OPCML: variants seen among roughly 807,000 people sequenced by gnomAD.
OPCML encodes opioid-binding protein/cell adhesion molecule.
In OPCML, 13 loss-of-function variants were observed where a neutral mutation model predicts 37.8. The observed-to-expected ratio is 0.34, with a 90% CI of 0.22 to 0.55. The LOEUF (loss-of-function observed/expected upper bound fraction) is 0.55, where lower values mean the gene tolerates loss of function less well. OPCML is among the 20% of genes least tolerant of loss of function. The probability of loss-of-function intolerance (pLI) is 0.91; values close to 1 mark genes in which losing one functional copy is unlikely to be tolerated. For synonymous variants in OPCML, 176 were observed against 168.8 expected (o/e 1.04, Z -0.33); for missense variants, 341 against 435.6 (o/e 0.78, Z 1.93).
At chr11:132,433,981 G>T (rs969990528) in intron 7 of OPCML, among the ~76,000 whole-genome samples, 4 of 152,184 alleles carry the variant, frequency 2.6e-5, no homozygotes, top group Non-Finnish European at 4.4e-5. Flanking sequence ...GGTATACACT[G>T]GTTGTTGTTA....
At chr11:132,642,523 T>C (rs75043012) in intron 3 of OPCML, among the ~76,000 whole-genome samples, 4 of 152,214 alleles carry the variant, frequency 2.6e-5, no homozygotes, top group Non-Finnish European at 4.4e-5. Context: ...TCAAAACTTA[T>C]GATGCCAATG....
At chr11:132,645,845 C>T (rs1044690483) in intron 3 of OPCML, among the ~76,000 whole-genome samples, 1 of 152,204 alleles carries the variant, frequency 6.6e-6, no homozygotes, top group Non-Finnish European at 1.5e-5. Context: ...TGGCTAATGG[C>T]TACCACGTTG....
At chr11:133,366,993 T>C (rs1398548561) in intron 1 of OPCML, among the ~76,000 whole-genome samples, 2 of 152,130 alleles carry the variant, frequency 1.3e-5, no homozygotes, top group African/African-American at 4.8e-5. Context: ...TTCTTTTTTT[T>C]TGGAGATGGA....
chr11:132,731,359 C>G (rs901985398), intron 2 of OPCML, among the ~76,000 whole-genome samples: 2 of 152,156 alleles, frequency 1.3e-5, no homozygotes, highest in African/African-American at 4.8e-5. Context: ...CCTAATAAAT[C>G]TGATGGTGAT....
At chr11:132,624,846 G>A (rs563892710) in intron 3 of OPCML, among the ~76,000 whole-genome samples, 4 of 152,074 alleles carry the variant, frequency 2.6e-5, no homozygotes, top group African/African-American at 4.8e-5. Context: ...AACATGCCAC[G>A]TTATTAGGGT....
At chr11:133,445,708 C>T (rs1946460595) in intron 1 of OPCML, among the ~76,000 whole-genome samples, 2 of 152,194 alleles carry the variant, frequency 1.3e-5, no homozygotes, top group Admixed American at 6.5e-5. Context: ...TAATTTCCCC[C>T]TTGGCTAAGA....
At chr11:133,070,207 T>C (rs1948502359) in intron 1 of OPCML, among the ~76,000 whole-genome samples, 1 of 152,214 alleles carries the variant, frequency 6.6e-6, no homozygotes, top group Non-Finnish European at 1.5e-5. Context: ...AAAAGGCAGC[T>C]TCTCAACAAC....
chr11:133,287,275 C>CTTTCTTT (rs1555131097), intron 1 of OPCML, among the ~76,000 whole-genome samples: 3 of 120,976 alleles, frequency 2.5e-5, no homozygotes, highest in African/African-American at 9.2e-5. Flanking sequence ...TTCTTTCTTT[C>CTTTCTTT]TTTTTTTTTT....
chr11:133,335,250 G>A (rs544370978), intron 1 of OPCML, among the ~76,000 whole-genome samples: 1 of 152,324 alleles, frequency 6.6e-6, no homozygotes, highest in East Asian at 1.9e-4. Flanking sequence ...AATAAAGGAA[G>A]CTCAGGCTGA....
chr11:132,934,270 G>A (rs1945300916), intron 2 of OPCML, among the ~76,000 whole-genome samples: 1 of 152,156 alleles, frequency 6.6e-6, no homozygotes, highest in Non-Finnish European at 1.5e-5. Context: ...GGCAGGACAA[G>A]GCAGGGTACC....
intron 2 of OPCML, among the ~76,000 whole-genome samples, chr11:132,790,094 T>C (rs1264945041): frequency 6.6e-6 from 1 of 152,216 alleles, no homozygotes; most frequent in Non-Finnish European, 1.5e-5. Context: ...TTACTGGATA[T>C]TTATCCAAAG....
chr11:132,874,159 T>C (rs927088966), intron 2 of OPCML, among the ~76,000 whole-genome samples: 1 of 152,202 alleles, frequency 6.6e-6, no homozygotes, highest in African/African-American at 2.4e-5. Flanking sequence ...ACTTCTTTTC[T>C]CCCCATGACA....
Position 133,349,112 on chromosome 11 carries a change from A to G in OPCML, c.61+183152T>C, listed in dbSNP as rs151171234. On this transcript the variant is annotated intron_variant, in intron 1 of 7. Coordinates refer to ENST00000524381, the MANE Select transcript of OPCML (RefSeq NM_001012393.5). Reference sequence around the variant, plus strand: ...TGGAGCCTTTAAGCAGTGCATGTGCATGGTAACCACTCAGTAACTCTGAGC... The same window carrying G: ...TGGAGCCTTTAAGCAGTGCATGTGCGTGGTAACCACTCAGTAACTCTGAGC... Among the ~76,000 whole-genome samples the G allele has an allele frequency of 3.4e-3, 525 of 152,332 alleles. 2 individuals are homozygous for G. Among genetic ancestry groups the G allele is most frequent in the African/African-American group, 0.012 (495 of 41,572 alleles).
At chr11:132,520,647 G>A (rs2096290674) in intron 4 of OPCML, among the ~76,000 whole-genome samples, 1 of 142,940 alleles carries the variant, frequency 7.0e-6, no homozygotes, top group African/African-American at 2.5e-5. Flanking sequence ...CTCCCCCAAT[G>A]GTGTCATCTT....
intron 1 of OPCML, among the ~76,000 whole-genome samples, chr11:133,231,925 G>A (rs1408338171): frequency 1.8e-5 from 1 of 55,174 alleles, no homozygotes; most frequent in Non-Finnish European, 3.3e-5. Flanking sequence ...GACACATGAT[G>A]TAAAAGGCTT....
chr11:132,641,576 A>G (rs1940853268), intron 3 of OPCML, among the ~76,000 whole-genome samples: 1 of 152,176 alleles, frequency 6.6e-6, no homozygotes. Flanking sequence ...GTCAGCATGC[A>G]GTTTAATAAA....
chr11:132,627,453 A>G (rs1384388888), intron 3 of OPCML, among the ~76,000 whole-genome samples: 1 of 152,262 alleles, frequency 6.6e-6, no homozygotes. Context: ...TAGAGATGCA[A>G]TGACATGTAG....
At chr11:133,258,438 A>G (rs1397979727) in intron 1 of OPCML, among the ~76,000 whole-genome samples, 6 of 152,158 alleles carry the variant, frequency 3.9e-5, no homozygotes, top group Admixed American at 3.3e-4. Context: ...AGGCTTGCCG[A>G]TGAGCACGTG....
intron 1 of OPCML, among the ~76,000 whole-genome samples, chr11:133,410,591 CT>C (rs1172738068): frequency 1.6e-4 from 16 of 97,054 alleles, no homozygotes; most frequent in South Asian, 3.6e-4. Context: ...GTTTTTGTTG[CT>C]TTTTTTTTTC....
Sources: allele counts gnomAD v4.1 joint callset (sites outside exome capture counted in the v4.1 genomes callset), GRCh38; gene constraint gnomAD v4.1.1; transcripts MANE v1.5; gene names NCBI Gene and HGNC (gene_info 2026-07-23, HGNC 2026-07-21).